The following MTUS2 variants were observed in gnomAD, a reference collection of about 807,000 sequenced individuals.
MTUS2 encodes microtubule associated scaffold protein 2, also known as microtubule-associated tumor suppressor candidate 2.
A neutral mutation model predicts 114.1 loss-of-function variants in MTUS2; 40 were observed. The observed-to-expected ratio is 0.35, with a 90% confidence interval of 0.27 to 0.46. The LOEUF is 0.46. Among genes scored for constraint, MTUS2 ranks in the 20% least tolerant of loss-of-function variants. The pLI is 1.00. For synonymous variants in MTUS2, 688 were observed against 672.0 expected, an observed-to-expected ratio of 1.02 and a Z score of -0.37; for missense variants, 1,679 against 1,705.4, an observed-to-expected ratio of 0.98 and a Z score of 0.27.
At chr13:29,325,579 G>A (rs58619148) in intron 7 of MTUS2, among the ~76,000 whole-genome samples, 64 of 57,188 alleles carry the variant, frequency 1.1e-3, no homozygotes, top group African/African-American at 2.4e-3. Flanking sequence ...AAGAGGAGGA[G>A]GAAGAGGAAG....
intron 8 of MTUS2, among the ~76,000 whole-genome samples, chr13:29,413,342 A>G (rs1012198003): frequency 1.3e-5 from 2 of 152,034 alleles, no homozygotes; most frequent in Non-Finnish European, 2.9e-5. Flanking sequence ...ACCTAAAACC[A>G]TAAAAACCCT....
At chr13:29,320,805 C>T (rs925561835) in intron 6 of MTUS2, among the ~76,000 whole-genome samples, 2 of 152,042 alleles carry the variant, frequency 1.3e-5, no homozygotes, top group South Asian at 2.1e-4. Flanking sequence ...GTAGTTGTCC[C>T]AACAAGAAAT....
intron 2 of MTUS2, among the ~76,000 whole-genome samples, chr13:28,959,012 G>A (rs1883198057): frequency 6.6e-6 from 1 of 152,218 alleles, no homozygotes; most frequent in Admixed American, 6.5e-5. Context: ...ACCAGCTAGA[G>A]ACCTCAGGAC....
At chr13:28,904,690 T>C (rs967734277) in intron 2 of MTUS2, among the ~76,000 whole-genome samples, 63 of 152,288 alleles carry the variant, frequency 4.1e-4, no homozygotes, top group African/African-American at 1.2e-3. Context: ...GGTAGCGTGA[T>C]GCCTCCAGCT....
intron 5 of MTUS2, chr13:29,239,642 G>A (rs1467786280): frequency 6.6e-6 from 1 of 152,244 alleles, no homozygotes; most frequent in African/African-American, 2.4e-5. Context: ...GGACAGAACT[G>A]TGATGTAATG....
chr13:29,237,509 T>C (rs1450703496), intron 5 of MTUS2, among the ~76,000 whole-genome samples: 2 of 152,204 alleles, frequency 1.3e-5, no homozygotes, highest in East Asian at 3.8e-4. Context: ...CTGCATGTCC[T>C]GATTTTTGGT....
intron 7 of MTUS2, among the ~76,000 whole-genome samples, chr13:29,345,893 C>T (rs948032183): frequency 6.6e-6 from 1 of 152,100 alleles, no homozygotes; most frequent in African/African-American, 2.4e-5. Flanking sequence ...GTGGGGCTTC[C>T]TGAGAGCCGA....
chr13:29,424,553 G>A (rs111446230), intron 8 of MTUS2, among the ~76,000 whole-genome samples: 272 of 152,292 alleles, frequency 1.8e-3, no homozygotes, highest in African/African-American at 6.2e-3. Flanking sequence ...GTGGAGATGA[G>A]GCTATCACAT....
chr13:29,166,774 A>G (rs542534414), intron 5 of MTUS2, among the ~76,000 whole-genome samples: 2 of 152,356 alleles, frequency 1.3e-5, no homozygotes, highest in East Asian at 3.9e-4. Context: ...TCAGTAGCCT[A>G]CCATTGTTAA....
At chr13:29,168,768 C>T (rs1893423851) in intron 5 of MTUS2, among the ~76,000 whole-genome samples, 1 of 152,084 alleles carries the variant, frequency 6.6e-6, no homozygotes, top group Non-Finnish European at 1.5e-5. Flanking sequence ...ATTCCAGGAT[C>T]ACTATGTAAG....
chr13:29,383,399 C>CAGT (rs1872390278), intron 8 of MTUS2, among the ~76,000 whole-genome samples: 1 of 152,004 alleles, frequency 6.6e-6, no homozygotes, highest in South Asian at 2.1e-4. Flanking sequence ...CAAGTATGGG[C>CAGT]AGTAGCAGGG....
chr13:29,389,293 G>GTGTGTATATGTGTATA (rs1171535185), intron 8 of MTUS2, among the ~76,000 whole-genome samples: 1 of 146,658 alleles, frequency 6.8e-6, no homozygotes, highest in South Asian at 2.1e-4. Flanking sequence ...ATACACATAT[G>GTGTGTATATGTGTATA]TGTGTATATG....
chr13:29,377,918 AAG>A (rs1871876515), intron 8 of MTUS2, among the ~76,000 whole-genome samples: 1 of 152,250 alleles, frequency 6.6e-6, no homozygotes, highest in South Asian at 2.1e-4. Flanking sequence ...TCGGCAATGG[AAG>A]AGAGGCTATC....
chr13:29,415,808 A>G (rs1875618745), intron 8 of MTUS2, among the ~76,000 whole-genome samples: 1 of 152,124 alleles, frequency 6.6e-6, no homozygotes. Flanking sequence ...ATTATGAAAA[A>G]TGAAATTTAA....
In MTUS2 at chr13:28,820,366, C is replaced by T. The variant is rs1873800238; in HGVS notation, c.-561C>T. On this transcript the variant is annotated 5_prime_UTR_variant, in exon 1 of 16. Coordinates refer to ENST00000612955, the MANE Select transcript of MTUS2 (RefSeq NM_001033602.4). Reference sequence around the variant, plus strand: ...AGGTGATAGCGAGCGCCGGCGGCTCCAGGTGCGGGGGCGCCCCTCGCGCTC... The same window carrying T: ...AGGTGATAGCGAGCGCCGGCGGCTCTAGGTGCGGGGGCGCCCCTCGCGCTC... 6.6e-6 allele frequency: 1 copy of T among 151,208 alleles called. No individual in the cohort carries two copies. The highest frequency in any genetic ancestry group is 2.4e-5 in the African/African-American group (1 of 41,272). 9.4% of individuals were successfully genotyped at this position (151,208 alleles called of 1,614,324 possible).
Position 29,231,394 on chromosome 13 carries a change from C to A in MTUS2, c.2645-50310C>A, listed in dbSNP as rs181099461. 2.9e-3 allele frequency among the ~76,000 whole-genome samples: 444 copies of A among 152,296 alleles called. 6 individuals carry two copies. Among genetic ancestry groups the A allele is most frequent in the Non-Finnish European group, 6.0e-4 (41 of 68,014 alleles). On this transcript the variant is annotated intron_variant, in intron 5 of 15. Transcript: ENST00000612955. ...GCACCATGTCCACCATTTCTTCGGT[C>A]ACACCAAATTTCTCATCACATCACA...
chr13:28,968,005 C>G (rs1174284908), intron 2 of MTUS2, among the ~76,000 whole-genome samples: 5 of 152,104 alleles, frequency 3.3e-5, no homozygotes, highest in Non-Finnish European at 7.4e-5. Context: ...TTGAAACATG[C>G]AATAGATAAA....
At chr13:29,076,707 T>A (rs1052563222) in intron 4 of MTUS2, among the ~76,000 whole-genome samples, 1 of 152,172 alleles carries the variant, frequency 6.6e-6, no homozygotes. Context: ...GAATCTGCAG[T>A]ATCCTTTATG....
intron 8 of MTUS2, among the ~76,000 whole-genome samples, chr13:29,434,746 G>A (rs977107346): frequency 3.9e-5 from 6 of 152,206 alleles, no homozygotes; most frequent in East Asian, 1.9e-4. Context: ...AAGAGATAAC[G>A]CCCATTGACC....
Sources: allele counts gnomAD v4.1 joint callset (sites outside exome capture counted in the v4.1 genomes callset), GRCh38; gene constraint gnomAD v4.1.1; transcripts MANE v1.5; gene names NCBI Gene and HGNC (gene_info 2026-07-23, HGNC 2026-07-21).